The following ITPR2 variants were observed in gnomAD, a reference collection of about 807,000 sequenced individuals.
ITPR2 encodes the protein inositol 1,4,5-trisphosphate-gated calcium channel ITPR2.
ITPR2 carries 207 observed loss-of-function variants against 317.1 expected under a neutral mutation model. The ratio of observed to expected loss-of-function variants is 0.65; its 90% CI spans 0.58 to 0.73. The LOEUF is 0.73. Ranked by LOEUF, ITPR2 falls within the 30% of genes least tolerant of loss-of-function variation. The probability of loss-of-function intolerance (pLI) is 0.00; values close to 1 mark genes in which losing one functional copy is unlikely to be tolerated. For synonymous variants in ITPR2, 1,156 were observed against 1,149.1 expected (o/e 1.01, Z -0.12); for missense variants, 2,613 against 3,284.0 (o/e 0.80, Z 4.99).
chr12:26,466,090 T>G (rs890924653), intron 45 of ITPR2, among the ~76,000 whole-genome samples: 4 of 152,228 alleles, frequency 2.6e-5, no homozygotes, highest in African/African-American at 9.7e-5. Context: ...ATTATCAAAG[T>G]CTGTCTATAA....
At chr12:26,727,683 G>C (rs1457197822) in intron 2 of ITPR2, among the ~76,000 whole-genome samples, 2 of 152,122 alleles carry the variant, frequency 1.3e-5, no homozygotes, top group Non-Finnish European at 2.9e-5. Context: ...AGGGGGTCAT[G>C]CCCTGCACGA....
intron 37 of ITPR2, among the ~76,000 whole-genome samples, chr12:26,498,611 G>C (rs926398361): frequency 6.6e-6 from 1 of 152,120 alleles, no homozygotes; most frequent in Non-Finnish European, 1.5e-5. Flanking sequence ...AGCTCAGTTT[G>C]TTGTACTATT....
chr12:26,551,353 G>A (rs959799505), intron 36 of ITPR2, among the ~76,000 whole-genome samples: 1 of 152,216 alleles, frequency 6.6e-6, no homozygotes, highest in Non-Finnish European at 1.5e-5. Flanking sequence ...TTTTGCTCAT[G>A]ACAGAACAGA....
chr12:26,799,332 T>C (rs1262445838), intron 1 of ITPR2, among the ~76,000 whole-genome samples: 1 of 152,250 alleles, frequency 6.6e-6, no homozygotes, highest in Admixed American at 6.5e-5. Context: ...ATGAATGCTA[T>C]CACCCTGACC....
chr12:26,763,865 TA>T (rs1275393461), intron 2 of ITPR2, among the ~76,000 whole-genome samples: 4 of 152,028 alleles, frequency 2.6e-5, no homozygotes. Flanking sequence ...CTCTATTACA[TA>T]AAAGGTGGAA....
intron 49 of ITPR2, chr12:26,421,569 C>T (rs765438759): frequency 8.5e-6 from 1 of 117,908 alleles, no homozygotes; most frequent in East Asian, 4.7e-4. Context: ...AATATTTATG[C>T]CAAGAATGAG....
chr12:26,599,994 G>A lies in ITPR2; in HGVS notation c.3794C>T (p.Thr1265Ile). The A allele has an allele frequency of 6.2e-7, 1 of 1,603,272 alleles. No individual in the cohort carries two copies. The highest frequency in any genetic ancestry group is 2.2e-5 in the East Asian group (1 of 44,784). Reference protein sequence around the residue: ...LLHKHLNLFLTPGLLEAETMR... With the variant: ...LLHKHLNLFLIPGLLEAETMR... The stretch of plus-strand genomic sequence containing the variant: ...AGCCACTAAAATACTTACACCTGGA[G>A]TTAAAAACAAATTCAGATGTTTATG... The change falls in exon 29 of 57, where the codon ACT becomes ATT. Residue 1265 changes from threonine to isoleucine, a missense_variant. Thr to Ile is a moderately conservative substitution (Grantham distance 89). This residue lies in a region of ITPR2 where 817 missense variants were observed against 897.6 expected (regional missense o/e 0.91). Transcript: ENST00000381340.
intron 15 of ITPR2, among the ~76,000 whole-genome samples, chr12:26,661,688 G>A (rs78543224): frequency 0.13 from 19,841 of 151,998 alleles, 1,696 homozygotes; most frequent in Non-Finnish European, 0.19. Context: ...CTGCTCGTAC[G>A]GGTGAAGTGG....
rs560290015 is a variant in ITPR2, at chr12:26,724,967, C to G, written c.280-225G>C. On this transcript the variant is annotated intron_variant, in intron 3 of 56. Coordinates refer to ENST00000381340, the MANE Select transcript of ITPR2 (RefSeq NM_002223.4). ...TCATATTCATCCAAGTATTTGGAAA[C>G]TTGGGGAGTGGATGACTCCCCAAAG... is the stretch of plus-strand genomic sequence containing the variant. 2.0e-5 allele frequency among the ~76,000 whole-genome samples: 3 copies of G among 152,168 alleles called. No individual in the cohort carries two copies. The South Asian group carries it at 6.2e-4, about 32-fold the overall frequency.
At position 26,695,647 on chromosome 12, in the gene ITPR2, T is replaced by C. The variant is rs1271214580; in HGVS notation, c.955A>G (p.Asn319Asp). 1.9e-6 allele frequency: 3 copies of C among 1,612,102 alleles called. No homozygotes were observed. The East Asian group carries it at 6.7e-5, about 36-fold the overall frequency. Reference protein sequence around the residue: ...ATGNYLAAELNPDYRDAQNEG... With the variant: ...ATGNYLAAELDPDYRDAQNEG... ...TTTTGGGCATCTCGATAATCAGGAT[T>C]AAGCTAGAAAAACAAAGGAAAATTT... Residue 319 changes from asparagine (N) to aspartate (D), a missense_variant, in exon 10 of 57, where the codon AAT becomes GAT. Transcript: ENST00000381340.
At chr12:26,591,195 A>T (rs188811207) in intron 32 of ITPR2, among the ~76,000 whole-genome samples, 1 of 151,992 alleles carries the variant, frequency 6.6e-6, no homozygotes, top group Non-Finnish European at 1.5e-5. Flanking sequence ...CTGGCAAGGG[A>T]TTAATAACCA....
chr12:26,651,285 T>C (rs2136889723), intron 21 of ITPR2, among the ~76,000 whole-genome samples: 1 of 152,338 alleles, frequency 6.6e-6, no homozygotes, highest in South Asian at 2.1e-4. Flanking sequence ...TCATCACTTG[T>C]TTCTTTGGAT....
intron 2 of ITPR2, among the ~76,000 whole-genome samples, chr12:26,780,090 G>T (rs959080461): frequency 6.6e-6 from 1 of 152,220 alleles, no homozygotes; most frequent in African/African-American, 2.4e-5. Context: ...ATGGGCCCAT[G>T]AACAAAGTGG....
At chr12:26,442,522 C>A (rs751149618) in intron 46 of ITPR2, among the ~76,000 whole-genome samples, 27 of 152,152 alleles carry the variant, frequency 1.8e-4, no homozygotes, top group Non-Finnish European at 3.4e-4. Context: ...ATTTGCTATT[C>A]CCTGGTCTCT....
intron 2 of ITPR2, among the ~76,000 whole-genome samples, chr12:26,767,424 T>C (rs1207734410): frequency 6.6e-6 from 1 of 152,248 alleles, no homozygotes; most frequent in African/African-American, 2.4e-5. Flanking sequence ...TCTAGTGGCT[T>C]AGAAAAAGCA....
chr12:26,591,117 A>C (rs1945690153), intron 32 of ITPR2, among the ~76,000 whole-genome samples: 1 of 151,384 alleles, frequency 6.6e-6, no homozygotes, highest in Non-Finnish European at 1.5e-5. Context: ...TTTGTGCAGC[A>C]AAGGAAACAA....
intron 34 of ITPR2, among the ~76,000 whole-genome samples, chr12:26,562,937 AC>A (rs1195160250): frequency 6.6e-6 from 1 of 152,008 alleles, no homozygotes; most frequent in African/African-American, 2.4e-5. Context: ...AAGAAATAAC[AC>A]AAAACATGAA....
intron 9 of ITPR2, among the ~76,000 whole-genome samples, chr12:26,702,413 G>T (rs1246322507): frequency 4.2e-5 from 5 of 119,822 alleles, no homozygotes; most frequent in Non-Finnish European, 5.2e-5. Flanking sequence ...GGGGGTGGGG[G>T]GTTGGTGTTT....
intron 1 of ITPR2, chr12:26,800,929 C>A: frequency 6.1e-6 from 1 of 162,928 alleles, no homozygotes. Context: ...CCTCGAAAGT[C>A]ATGGAACTGA....
Sources: gnomAD v4.1 joint callset for allele counts (sites outside exome capture counted in the v4.1 genomes callset) on GRCh38, gnomAD v4.1.1 for gene constraint, gnomAD v4.1.1 regional missense constraint, MANE v1.5 for transcripts, NCBI Gene and HGNC (gene_info 2026-07-23, HGNC 2026-07-21) for gene names.